The following CCDC102B variants were observed in gnomAD, a reference collection of about 807,000 sequenced individuals.
The protein encoded by CCDC102B is coiled-coil domain containing 102B.
In CCDC102B, 75 loss-of-function variants were observed where a neutral mutation model predicts 57.4. The ratio of observed to expected loss-of-function variants is 1.31; its 90% CI spans 1.08 to 1.58. CCDC102B has a LOEUF of 1.58. CCDC102B is among the 40% of genes most tolerant of loss of function. The probability of loss-of-function intolerance (pLI) is 0.00; values close to 1 mark genes in which losing one functional copy is unlikely to be tolerated. For synonymous variants in CCDC102B, 206 were observed against 201.9 expected (o/e 1.02, Z -0.17); for missense variants, 636 against 582.6 (o/e 1.09, Z -0.94).
chr18:68,892,169 T>C (rs1599644322), intron 5 of CCDC102B, among the ~76,000 whole-genome samples: 1 of 152,184 alleles, frequency 6.6e-6, no homozygotes, highest in East Asian at 1.9e-4. Context: ...CCTGTCCCTT[T>C]CCAGGAAGTT....
chr18:68,934,912 G>T (rs1230894866), intron 6 of CCDC102B, among the ~76,000 whole-genome samples: 1 of 151,848 alleles, frequency 6.6e-6, no homozygotes, highest in African/African-American at 2.4e-5. Flanking sequence ...GCCTATTTGA[G>T]GACATAGTAT....
At chr18:68,730,488 A>G (rs961787975) in intron 2 of CCDC102B, among the ~76,000 whole-genome samples, 7 of 152,256 alleles carry the variant, frequency 4.6e-5, no homozygotes, top group Admixed American at 4.6e-4. Flanking sequence ...ATTTGTAGTT[A>G]TTATGCCATT....
chr18:68,936,096 T>G (rs2049228490), intron 6 of CCDC102B, among the ~76,000 whole-genome samples: 1 of 151,940 alleles, frequency 6.6e-6, no homozygotes, highest in South Asian at 2.1e-4. Flanking sequence ...TAATATTTTG[T>G]GTGAAATTAT....
chr18:68,884,605 C>CACAT (rs1568310395), intron 5 of CCDC102B, among the ~76,000 whole-genome samples: 3 of 142,040 alleles, frequency 2.1e-5, no homozygotes, highest in African/African-American at 7.9e-5. Flanking sequence ...CACACACACA[C>CACAT]ATATACACAC....
chr18:68,896,109 G>C (rs1257056834), intron 5 of CCDC102B, among the ~76,000 whole-genome samples: 2 of 151,864 alleles, frequency 1.3e-5, no homozygotes, highest in African/African-American at 4.8e-5. Context: ...AGAATAAATG[G>C]TGAAGTCACA....
chr18:68,859,127 A>C (rs2038620151), intron 4 of CCDC102B: 1 of 150,028 alleles, frequency 6.7e-6, no homozygotes, highest in Non-Finnish European at 1.5e-5. Flanking sequence ...AACAGAACAG[A>C]GCCCTCAGAA....
At chr18:68,968,978 A>C (rs1199920901) in intron 6 of CCDC102B, among the ~76,000 whole-genome samples, 2 of 152,184 alleles carry the variant, frequency 1.3e-5, no homozygotes. Flanking sequence ...TATACCAATT[A>C]TACCTTAATA....
At chr18:68,933,881 A>G (rs1418330430) in intron 6 of CCDC102B, among the ~76,000 whole-genome samples, 1 of 151,906 alleles carries the variant, frequency 6.6e-6, no homozygotes, top group Non-Finnish European at 1.5e-5. Flanking sequence ...ATCCATAACA[A>G]CGTGACTTTT....
At chr18:68,973,443 A>G (rs1433012639) in intron 6 of CCDC102B, among the ~76,000 whole-genome samples, 1 of 152,148 alleles carries the variant, frequency 6.6e-6, no homozygotes, top group Non-Finnish European at 1.5e-5. Context: ...CAAAGCTGTC[A>G]TACTTGCTTG....
chr18:68,902,912 G>A (rs2040502928), intron 6 of CCDC102B, among the ~76,000 whole-genome samples: 1 of 152,070 alleles, frequency 6.6e-6, no homozygotes, highest in Non-Finnish European at 1.5e-5. Flanking sequence ...CATTATGTTT[G>A]TTAATTCATA....
chr18:68,723,756 G>A (rs572801848), intron 2 of CCDC102B, among the ~76,000 whole-genome samples: 20 of 152,342 alleles, frequency 1.3e-4, no homozygotes, highest in Non-Finnish European at 2.6e-4. Flanking sequence ...TCACAGGCTG[G>A]TGTTGAAAGT....
At chr18:68,904,882 A>T (rs1005504959) in intron 6 of CCDC102B, among the ~76,000 whole-genome samples, 3 of 152,178 alleles carry the variant, frequency 2.0e-5, no homozygotes, top group African/African-American at 7.2e-5. Flanking sequence ...ATATTCTCTT[A>T]TACTATTCAC....
intron 2 of CCDC102B, among the ~76,000 whole-genome samples, chr18:68,776,962 A>G (rs1424226564): frequency 1.3e-5 from 2 of 151,868 alleles, no homozygotes; most frequent in Admixed American, 6.6e-5. Context: ...GTACTTATAT[A>G]TTGTGTCTCT....
intron 6 of CCDC102B, among the ~76,000 whole-genome samples, chr18:68,905,536 T>A (rs1431887134): frequency 6.6e-6 from 1 of 151,494 alleles, no homozygotes; most frequent in Non-Finnish European, 1.5e-5. Flanking sequence ...TTAACCATTT[T>A]AAAGTGAACA....
At chr18:68,858,227 A>G (rs78873510) in intron 4 of CCDC102B, among the ~76,000 whole-genome samples, 14,573 of 152,208 alleles carry the variant, frequency 0.096, 826 homozygotes, top group South Asian at 0.22. Flanking sequence ...TACAGTGTTT[A>G]CTTTTTTCTT....
At chr18:68,750,247 C>T (rs2033793796) in intron 2 of CCDC102B, among the ~76,000 whole-genome samples, 1 of 152,106 alleles carries the variant, frequency 6.6e-6, no homozygotes, top group Non-Finnish European at 1.5e-5. Flanking sequence ...AATGAGATAC[C>T]ATCTCACACC....
At chr18:68,834,469 A>G (rs941854324) in intron 1 of CCDC102B, among the ~76,000 whole-genome samples, 2 of 125,968 alleles carry the variant, frequency 1.6e-5, no homozygotes, top group Non-Finnish European at 3.6e-5. Flanking sequence ...TGTGTTTCTA[A>G]TTAAGAGTTC....
chr18:68,762,969 C>A (rs150301634), intron 2 of CCDC102B, among the ~76,000 whole-genome samples: 356 of 152,064 alleles, frequency 2.3e-3, no homozygotes, highest in African/African-American at 8.4e-3. Flanking sequence ...TTTACCTCAG[C>A]CTCACAAACC....
At chr18:68,940,248 C>A (rs995772207) in intron 6 of CCDC102B, among the ~76,000 whole-genome samples, 1 of 151,834 alleles carries the variant, frequency 6.6e-6, no homozygotes, top group African/African-American at 2.4e-5. Flanking sequence ...ATTTACTTGG[C>A]ATATGAAATC....
Sources: allele counts gnomAD v4.1 joint callset (sites outside exome capture counted in the v4.1 genomes callset), GRCh38; gene constraint gnomAD v4.1.1; transcripts MANE v1.5; gene names NCBI Gene and HGNC (gene_info 2026-07-23, HGNC 2026-07-21).